MBOAT2: variants seen among roughly 807,000 people sequenced by gnomAD.
MBOAT2 encodes the protein membrane bound glycerophospholipid O-acyltransferase 2.
Under a neutral mutation model 63.4 loss-of-function variants are expected in MBOAT2, and 28 were observed. The observed-to-expected ratio is 0.44, with a 90% CI of 0.33 to 0.61. The LOEUF (loss-of-function observed/expected upper bound fraction) is 0.61. Ranked by LOEUF, MBOAT2 falls within the 20% of genes least tolerant of loss-of-function variation. The probability of loss-of-function intolerance (pLI) is 0.03; values close to 1 mark genes in which losing one functional copy is unlikely to be tolerated. For synonymous variants in MBOAT2, 211 were observed against 215.6 expected (o/e 0.98, Z 0.19); for missense variants, 470 against 605.8 (o/e 0.78, Z 2.35).
chr2:8,908,615 T>C lies in MBOAT2; in HGVS notation c.395+6A>G. On this transcript the variant is annotated splice_donor_region_variant and intron_variant, in intron 4 of 12. Coordinates refer to ENST00000305997, the MANE Select transcript of MBOAT2 (RefSeq NM_138799.4). The stretch of plus-strand genomic sequence containing the variant: ...ACAGGCTACTGAATCAAAGTTTTCA[T>C]CTTACCCTGAAAAATCAGCAGAATA... 3 of 1,559,700 alleles carry C rather than the reference T, an allele frequency of 1.9e-6. No homozygotes were observed. The highest frequency in any genetic ancestry group is 2.3e-5 in the East Asian group (1 of 44,218).
intron 5 of MBOAT2, among the ~76,000 whole-genome samples, chr2:8,883,897 T>C (rs1663334834): frequency 6.6e-6 from 1 of 151,714 alleles, no homozygotes; most frequent in African/African-American, 2.4e-5. Flanking sequence ...AAGAAAACCA[T>C]GCCTCATAAG....
chr2:8,894,148 T>A (rs1664240700), intron 4 of MBOAT2, among the ~76,000 whole-genome samples: 1 of 152,118 alleles, frequency 6.6e-6, no homozygotes, highest in African/African-American at 2.4e-5. Flanking sequence ...CCCCTCCCTG[T>A]GTCCACGTGT....
chr2:9,003,286 C>A lies in MBOAT2; in HGVS notation c.75+254G>T, dbSNP rs1672842952. Among the ~76,000 whole-genome samples, 1 of 152,196 alleles carries A rather than the reference C, an allele frequency of 6.6e-6. No homozygotes were observed. Among genetic ancestry groups the A allele is most frequent in the Non-Finnish European group, 1.5e-5 (1 of 68,010 alleles). On this transcript the variant is annotated intron_variant, in intron 1 of 12. Transcript: ENST00000305997. The surrounding 1 kb of genome is among the most constrained non-coding windows in gnomAD (Gnocchi z 5.4). ...CCCATACGACCACCCTCCCCGGGGG[C>A]TGTCGCCGGCAACAACGCCCGGCCC...
chr2:8,877,168 G>C lies in MBOAT2; in HGVS notation c.552C>G (p.Phe184Leu). The change falls in exon 7 of 13, where the codon TTC becomes TTG. Residue 184 changes from phenylalanine (F) to leucine (L), a missense_variant. Coordinates refer to ENST00000305997, the MANE Select transcript of MBOAT2 (RefSeq NM_138799.4). The part of the protein sequence containing the change: ...LLEYLSYNCN[F>L]MGILAGPLCS... The stretch of plus-strand genomic sequence containing the variant: ...AAAGTGGGCCTGCCAGGATCCCCAT[G>C]AAGTTACAGTTGTAACTCAAATACT... The C allele has an allele frequency of 6.2e-7, 1 of 1,613,926 alleles. No homozygotes were observed.
intron 3 of MBOAT2, among the ~76,000 whole-genome samples, chr2:8,933,845 C>G (rs2103211022): frequency 6.6e-6 from 1 of 152,150 alleles, no homozygotes; most frequent in East Asian, 1.9e-4. Context: ...ACAGAATCCC[C>G]CCACTTCATA....
chr2:8,894,331 A>G (rs952843019), intron 4 of MBOAT2, among the ~76,000 whole-genome samples: 1 of 152,240 alleles, frequency 6.6e-6, no homozygotes, highest in Non-Finnish European at 1.5e-5. Context: ...TACTCCTGGT[A>G]ACTTGAATTA....
chr2:8,937,862 G>C (rs1667773734), intron 3 of MBOAT2, among the ~76,000 whole-genome samples: 1 of 152,198 alleles, frequency 6.6e-6, no homozygotes, highest in Non-Finnish European at 1.5e-5. Context: ...GTGTGAGACA[G>C]ACAGGACATG....
intron 3 of MBOAT2, among the ~76,000 whole-genome samples, chr2:8,920,393 T>A (rs951478724): frequency 1.1e-4 from 16 of 152,370 alleles, no homozygotes; most frequent in African/African-American, 3.8e-4. Flanking sequence ...ATGATTTATA[T>A]GTCTATCCTT....
chr2:8,930,853 T>C (rs144656928), intron 3 of MBOAT2, among the ~76,000 whole-genome samples: 2,771 of 152,026 alleles, frequency 0.018, 30 homozygotes, highest in Middle Eastern at 0.038. Flanking sequence ...ACCCTAAAAC[T>C]TAAAGTATAA....
chr2:8,932,627 T>C (rs990763881), intron 3 of MBOAT2, among the ~76,000 whole-genome samples: 3 of 152,186 alleles, frequency 2.0e-5, no homozygotes, highest in African/African-American at 7.2e-5. Flanking sequence ...CTTCTAGAGC[T>C]GCCAGTTACT....
chr2:8,943,198 C>T lies in MBOAT2; in HGVS notation c.288G>A (p.Glu96=). ...SYCIMIIIGV[E]NMHNYCFVFA... ...AAGTGAATACTTACTTGTGCATGTTCTCCACTCCTATGATGATCATGATAC... is the reference window on the plus strand; with the variant it reads ...AAGTGAATACTTACTTGTGCATGTTTTCCACTCCTATGATGATCATGATAC... The change falls in exon 3 of 13, where the codon GAG becomes GAA. Residue 96 remains glutamate, a synonymous_variant. Transcript: ENST00000305997. The T allele has an allele frequency of 6.4e-7, 1 of 1,552,724 alleles. No individual in the cohort carries two copies. Among genetic ancestry groups the T allele is most frequent in the South Asian group, 1.2e-5 (1 of 80,358 alleles).
intron 1 of MBOAT2, among the ~76,000 whole-genome samples, chr2:8,963,511 T>C (rs766901513): frequency 1.2e-4 from 18 of 152,010 alleles, no homozygotes; most frequent in Non-Finnish European, 2.5e-4. Context: ...TCCATGTTGG[T>C]CAGGCGGTCT....
intron 1 of MBOAT2, among the ~76,000 whole-genome samples, chr2:8,982,730 G>A (rs1671287377): frequency 6.6e-6 from 1 of 152,134 alleles, no homozygotes. Flanking sequence ...AAGATTTAGT[G>A]AGACACCTAC....
At chr2:8,980,589 C>T (rs1671130383) in intron 1 of MBOAT2, among the ~76,000 whole-genome samples, 1 of 151,964 alleles carries the variant, frequency 6.6e-6, no homozygotes, top group Admixed American at 6.6e-5. Context: ...GGGAGAGGTC[C>T]AATACAAGGC....
chr2:8,867,217 A>C (rs1001234405), intron 9 of MBOAT2, among the ~76,000 whole-genome samples: 1 of 151,958 alleles, frequency 6.6e-6, no homozygotes, highest in African/African-American at 2.4e-5. Context: ...GGGTTTTGCC[A>C]TGTTGCCCAG....
intron 1 of MBOAT2, among the ~76,000 whole-genome samples, chr2:8,999,933 C>A (rs1672566920): frequency 6.6e-6 from 1 of 152,224 alleles, no homozygotes; most frequent in African/African-American, 2.4e-5. Flanking sequence ...AATTAAGCAA[C>A]CCAGGAGTCT....
rs765515703 is a variant in MBOAT2 at position 8,862,637 on chromosome 2, A to G, written c.1138T>C (p.Tyr380His). 1 of 1,613,784 alleles carries G rather than the reference A, an allele frequency of 6.2e-7. No homozygotes were observed. Among genetic ancestry groups the G allele is most frequent in the Non-Finnish European group, 8.5e-7 (1 of 1,179,934 alleles). Residue 380 changes from tyrosine to histidine, a missense_variant, in exon 11 of 13, where the codon TAT becomes CAT. Tyr to His is a moderately conservative substitution (Grantham distance 83). Around this residue, in one of 3 missense-constraint regions of MBOAT2, gnomAD observed 376 missense variants for 503.8 expected, o/e 0.75. Transcript: ENST00000305997. The surrounding 1 kb of genome is among the most constrained non-coding windows in gnomAD (Gnocchi z 4.3). ...AIWHGVYPGY[Y>H]LTFLTGVLMT... The stretch of plus-strand genomic sequence containing the variant: ...AACACCCCTGTTAGAAACGTTAGAT[A>G]ATATCCTGGGTATACCCCGTGCCAA...
At chr2:8,876,665 C>A (rs762312395) in intron 7 of MBOAT2, among the ~76,000 whole-genome samples, 3 of 147,620 alleles carry the variant, frequency 2.0e-5, no homozygotes, top group Non-Finnish European at 3.0e-5. Context: ...GAACACAAGG[C>A]ATAGGTAAGA....
intron 7 of MBOAT2, among the ~76,000 whole-genome samples, chr2:8,874,530 T>C (rs1456554356): frequency 6.6e-6 from 1 of 152,162 alleles, no homozygotes; most frequent in Non-Finnish European, 1.5e-5. Context: ...CACGAGACTA[T>C]ATGGTTCTGA....
Sources: allele counts gnomAD v4.1 joint callset (sites outside exome capture counted in the v4.1 genomes callset), GRCh38; gene constraint gnomAD v4.1.1; regional missense constraint gnomAD v4.1.1; non-coding constraint Gnocchi (gnomAD v3.1); transcripts MANE v1.5; gene names NCBI Gene and HGNC (gene_info 2026-07-23, HGNC 2026-07-21).